SLC9A9: variants seen among roughly 807,000 people sequenced by gnomAD.
SLC9A9 encodes sodium/hydrogen exchanger 9.
A neutral mutation model predicts 77.8 loss-of-function variants in SLC9A9; 62 were observed. The observed-to-expected ratio is 0.80, with a 90% CI of 0.65 to 0.98. SLC9A9 has a LOEUF of 0.98. Among genes scored for constraint, SLC9A9 ranks in the 50% least tolerant of loss-of-function variants. The pLI, the probability that SLC9A9 is intolerant of heterozygous loss-of-function variation, is 0.00. For synonymous variants in SLC9A9, 320 were observed against 283.5 expected (o/e 1.13, Z -1.29); for missense variants, 775 against 774.9 (o/e 1.00, Z 0.00).
intron 12 of SLC9A9, among the ~76,000 whole-genome samples, chr3:143,403,511 C>A (rs1404099807): frequency 6.6e-6 from 1 of 151,466 alleles, no homozygotes; most frequent in Non-Finnish European, 1.5e-5. Context: ...TTAAAAAAAA[C>A]TTCCTTAGTA....
At chr3:143,480,687 TA>T (rs2035558677) in intron 11 of SLC9A9, among the ~76,000 whole-genome samples, 1 of 152,174 alleles carries the variant, frequency 6.6e-6, no homozygotes, top group Admixed American at 6.5e-5. Context: ...TTCGTCTTCT[TA>T]AATGGAGAAA....
At chr3:143,315,481 G>A (rs2031180802) in intron 14 of SLC9A9, among the ~76,000 whole-genome samples, 1 of 152,180 alleles carries the variant, frequency 6.6e-6, no homozygotes, top group African/African-American at 2.4e-5. Flanking sequence ...AAACTCAGTG[G>A]CCTACTTATT....
chr3:143,800,263 C>T (rs1314762856), intron 2 of SLC9A9, among the ~76,000 whole-genome samples: 1 of 152,130 alleles, frequency 6.6e-6, no homozygotes, highest in Non-Finnish European at 1.5e-5. Context: ...CCTTACCCTG[C>T]TCAATGCCAA....
intron 4 of SLC9A9, among the ~76,000 whole-genome samples, chr3:143,699,820 G>A (rs934466325): frequency 6.6e-6 from 1 of 152,078 alleles, no homozygotes; most frequent in African/African-American, 2.4e-5. Flanking sequence ...CCAGTGGACT[G>A]GGGGCATGAG....
chr3:143,728,215 G>T (rs1345995712), intron 4 of SLC9A9, among the ~76,000 whole-genome samples: 1 of 152,174 alleles, frequency 6.6e-6, no homozygotes, highest in Non-Finnish European at 1.5e-5. Flanking sequence ...AAGAGAGGAG[G>T]CAGTCATGAC....
chr3:143,336,101 A>AT (rs1177156770), intron 14 of SLC9A9, among the ~76,000 whole-genome samples: 2 of 152,188 alleles, frequency 1.3e-5, no homozygotes, highest in Non-Finnish European at 2.9e-5. Context: ...AAGGGCTTGA[A>AT]TGGGACATTT....
At chr3:143,570,506 T>C (rs996431722) in intron 8 of SLC9A9, among the ~76,000 whole-genome samples, 1 of 152,140 alleles carries the variant, frequency 6.6e-6, no homozygotes, top group African/African-American at 2.4e-5. Context: ...GGCAGTTACA[T>C]AAATAAAAAT....
intron 14 of SLC9A9, among the ~76,000 whole-genome samples, chr3:143,296,381 C>T (rs2030270034): frequency 6.6e-6 from 1 of 152,144 alleles, no homozygotes; most frequent in Non-Finnish European, 1.5e-5. Context: ...CTTGTTGCCC[C>T]ATATGGGAAG....
chr3:143,846,986 T>A (rs1325915295), intron 1 of SLC9A9, among the ~76,000 whole-genome samples: 4 of 152,146 alleles, frequency 2.6e-5, no homozygotes, highest in Non-Finnish European at 5.9e-5. Context: ...TGGATCAGCA[T>A]ATCAGCCTCC....
chr3:143,564,760 A>C (rs1576579931), intron 8 of SLC9A9, among the ~76,000 whole-genome samples: 1 of 152,300 alleles, frequency 6.6e-6, no homozygotes, highest in African/African-American at 2.4e-5. Flanking sequence ...GCATGAATCT[A>C]TGTTATTATT....
chr3:143,687,207 A>G (rs369765875), intron 5 of SLC9A9, among the ~76,000 whole-genome samples: 4 of 152,308 alleles, frequency 2.6e-5, no homozygotes, highest in African/African-American at 7.2e-5. Context: ...GTGTATCCAT[A>G]AAAGATGAAT....
chr3:143,450,840 G>T (rs2034994506), intron 12 of SLC9A9, among the ~76,000 whole-genome samples: 1 of 152,164 alleles, frequency 6.6e-6, no homozygotes, highest in African/African-American at 2.4e-5. Context: ...TCCACAGCAG[G>T]CTGTGATGGC....
chr3:143,759,416 C>CT (rs11285320), intron 4 of SLC9A9, among the ~76,000 whole-genome samples: 1 of 151,816 alleles, frequency 6.6e-6, no homozygotes, highest in Non-Finnish European at 1.5e-5. Context: ...TTTATTTTTT[C>CT]TTTTTTTGCT....
intron 4 of SLC9A9, among the ~76,000 whole-genome samples, chr3:143,697,827 A>T (rs1194755226): frequency 6.6e-6 from 1 of 152,186 alleles, no homozygotes; most frequent in East Asian, 1.9e-4. Context: ...AATACAAAAA[A>T]TAAAAATAAA....
chr3:143,518,824 AAACAGTGG>A, intron 9 of SLC9A9, among the ~76,000 whole-genome samples: 1 of 152,306 alleles, frequency 6.6e-6, no homozygotes, highest in Non-Finnish European at 1.5e-5. Context: ...TTGCTATAAC[AAACAGTGG>A]AACAGTGGAA....
chr3:143,553,079 C>G (rs1369278780), intron 8 of SLC9A9, among the ~76,000 whole-genome samples: 1 of 152,202 alleles, frequency 6.6e-6, no homozygotes, highest in Non-Finnish European at 1.5e-5. Flanking sequence ...GGCATTCACT[C>G]CTTGAAAGTA....
At chr3:143,302,591 G>T (rs781306830) in intron 14 of SLC9A9, among the ~76,000 whole-genome samples, 7 of 152,060 alleles carry the variant, frequency 4.6e-5, no homozygotes, top group Admixed American at 6.6e-5. Flanking sequence ...AAAATAGCAG[G>T]AGGGAAGGAA....
chr3:143,735,514 T>C (rs1331424274), intron 4 of SLC9A9, among the ~76,000 whole-genome samples: 1 of 152,166 alleles, frequency 6.6e-6, no homozygotes, highest in Non-Finnish European at 1.5e-5. Context: ...GTCCTGTGAG[T>C]TAATGTCCAG....
chr3:143,718,782 G>T (rs766620660), intron 4 of SLC9A9, among the ~76,000 whole-genome samples: 2 of 152,098 alleles, frequency 1.3e-5, no homozygotes, highest in Non-Finnish European at 2.9e-5. Context: ...AAAATTATCA[G>T]TCATGAATTC....
Sources: allele counts gnomAD v4.1 joint callset (sites outside exome capture counted in the v4.1 genomes callset), GRCh38; gene constraint gnomAD v4.1.1; transcripts MANE v1.5; gene names NCBI Gene and HGNC (gene_info 2026-07-23, HGNC 2026-07-21).